The following ADAM23 variants were observed in gnomAD, a reference collection of about 807,000 sequenced individuals.
ADAM23 encodes the protein disintegrin and metalloproteinase domain-containing protein 23.
ADAM23 carries 33 observed loss-of-function variants against 120.1 expected under a neutral mutation model. The observed-to-expected ratio is 0.27, with a 90% CI of 0.21 to 0.37. ADAM23 has a LOEUF of 0.37. Among genes scored for constraint, ADAM23 ranks in the 10% least tolerant of loss-of-function variants. The pLI is 1.00. For missense variants in ADAM23, 862 were observed against 1,058.2 expected, an observed-to-expected ratio of 0.81 and a Z score of 2.57; for synonymous variants, 367 against 375.2, an observed-to-expected ratio of 0.98 and a Z score of 0.25.
At chr2:206,466,553 AT>A (rs763058331) in intron 2 of ADAM23, among the ~76,000 whole-genome samples, 1 of 152,106 alleles carries the variant, frequency 6.6e-6, no homozygotes, top group African/African-American at 2.4e-5. Flanking sequence ...ATTTACTAGG[AT>A]TTTTTTATCC....
chr2:206,513,287 G>A (rs1696663458), intron 3 of ADAM23, among the ~76,000 whole-genome samples: 1 of 152,190 alleles, frequency 6.6e-6, no homozygotes, highest in Non-Finnish European at 1.5e-5. Context: ...CAAAGGAAAA[G>A]TTTCTGAAGG....
intron 2 of ADAM23, among the ~76,000 whole-genome samples, chr2:206,458,622 CA>C (rs1272247034): frequency 1.3e-5 from 2 of 152,172 alleles, no homozygotes. Flanking sequence ...GGATATTAGG[CA>C]TTTTAGTGGG....
intron 3 of ADAM23, among the ~76,000 whole-genome samples, chr2:206,492,444 T>G (rs1696154589): frequency 6.6e-6 from 1 of 151,880 alleles, no homozygotes; most frequent in South Asian, 2.1e-4. Flanking sequence ...CCTTGGAGAG[T>G]TGAGACATTA....
At chr2:206,497,589 G>A (rs966858754) in intron 3 of ADAM23, among the ~76,000 whole-genome samples, 1 of 152,122 alleles carries the variant, frequency 6.6e-6, no homozygotes, top group African/African-American at 2.4e-5. Flanking sequence ...TTGAAAACTG[G>A]CACAAGACAG....
rs748825866 is a variant in ADAM23 at position 206,562,214 on chromosome 2, A to G, written c.1266A>G (p.Pro422=). The change falls in exon 13 of 26, where the codon CCA becomes CCG. Residue 422 remains proline, a synonymous_variant. Coordinates refer to ENST00000264377, the MANE Select transcript of ADAM23 (RefSeq NM_003812.4). The part of the protein sequence containing the change: ...RGVGVNEYGL[P]MAVAQVLSQS... ...ACTCTGAAAAACAGTATGGTCTTCCAATGGCAGTGGCACAAGTATTATCGC... is the reference window on the plus strand; with the variant it reads ...ACTCTGAAAAACAGTATGGTCTTCCGATGGCAGTGGCACAAGTATTATCGC... The G allele has an allele frequency of 6.2e-7, 1 of 1,614,000 alleles. No homozygotes were observed. Among genetic ancestry groups the G allele is most frequent in the South Asian group, 1.1e-5 (1 of 91,074 alleles).
intron 13 of ADAM23, among the ~76,000 whole-genome samples, chr2:206,563,930 C>T (rs1454630974): frequency 1.3e-5 from 2 of 151,974 alleles, no homozygotes; most frequent in East Asian, 1.9e-4. Context: ...TGGGGTTTCA[C>T]TGTGTTAGCC....
chr2:206,610,062 A>T, intron 25 of ADAM23, 62 bp downstream of exon 25: 1 of 1,411,564 alleles, frequency 7.1e-7, no homozygotes, highest in South Asian at 1.5e-5. Context: ...TGCTTACATA[A>T]CCAAGTTTTG....
chr2:206,596,660 A>C (rs1371300934), intron 24 of ADAM23, among the ~76,000 whole-genome samples: 1 of 152,230 alleles, frequency 6.6e-6, no homozygotes, highest in Non-Finnish European at 1.5e-5. Flanking sequence ...AAAATGTGAG[A>C]GATCTGGACC....
At chr2:206,592,854 A>G (rs1698451540) in intron 22 of ADAM23, 118 bp downstream of exon 22, 2 of 1,277,444 alleles carry the variant, frequency 1.6e-6, no homozygotes, top group Admixed American at 5.1e-5. Flanking sequence ...AGGAAAGTTA[A>G]TTTAGATTTT....
chr2:206,454,910 T>C (rs1279494191), intron 2 of ADAM23, among the ~76,000 whole-genome samples: 2 of 152,214 alleles, frequency 1.3e-5, no homozygotes, highest in Non-Finnish European at 2.9e-5. Flanking sequence ...GCTGCTTTCA[T>C]GGGCTGGCAT....
intron 2 of ADAM23, 73 bp from the exon 3 acceptor site, chr2:206,481,159 A>G: frequency 4.2e-6 from 5 of 1,187,504 alleles, no homozygotes; most frequent in Non-Finnish European, 6.0e-6. Context: ...CGTCTTAAAT[A>G]TCATTCTTGA....
rs145936396 is a variant in ADAM23, at chr2:206,449,493, C to T, written c.432+3969C>T. Among the ~76,000 whole-genome samples the T allele has an allele frequency of 2.2e-3, 338 of 152,260 alleles. 4 individuals are homozygous for T. In the East Asian group the frequency reaches 0.037, roughly 16 times the overall value. On this transcript the variant is annotated intron_variant, in intron 2 of 25. Coordinates refer to ENST00000264377, the MANE Select transcript of ADAM23 (RefSeq NM_003812.4). Reference sequence around the variant, plus strand: ...GTCAAAAACTACTTGTCCTGCTGGGCGTGGTGGCTCATGCCTGTAATCCCA... The same window carrying T: ...GTCAAAAACTACTTGTCCTGCTGGGTGTGGTGGCTCATGCCTGTAATCCCA...
In ADAM23 at chr2:206,553,840, G is replaced by A. The variant is rs139492139; in HGVS notation, c.934-3587G>A. ...GGCTTTAGGATAATCATCTCACTGAGAGTACTCATCTTACAATCTTTATAC... is the reference window on the plus strand; with the variant it reads ...GGCTTTAGGATAATCATCTCACTGAAAGTACTCATCTTACAATCTTTATAC... On this transcript the variant is annotated intron_variant, in intron 9 of 25. Transcript: ENST00000264377. 1.4e-4 allele frequency among the ~76,000 whole-genome samples: 22 copies of A among 152,266 alleles called. No individual in the cohort carries two copies. In the East Asian group the frequency reaches 4.2e-3, roughly 29 times the overall value.
At chr2:206,474,939 T>C (rs1574486338) in intron 2 of ADAM23, among the ~76,000 whole-genome samples, 1 of 152,310 alleles carries the variant, frequency 6.6e-6, no homozygotes. Flanking sequence ...TTATTATTTG[T>C]ATTTTATTGA....
intron 2 of ADAM23, among the ~76,000 whole-genome samples, chr2:206,467,171 C>T (rs1695558519): frequency 1.3e-5 from 2 of 152,198 alleles, no homozygotes; most frequent in African/African-American, 2.4e-5. Flanking sequence ...TCCCAAATCT[C>T]GTGTCCTTTT....
In ADAM23 at chr2:206,560,056, C is replaced by G; in HGVS notation, c.1107C>G (p.Leu369=). 1 of 1,614,174 alleles carries G rather than the reference C, an allele frequency of 6.2e-7. No homozygotes were observed. Among genetic ancestry groups the G allele is most frequent in the Non-Finnish European group, 8.5e-7 (1 of 1,180,016 alleles). ...IDITTNPVQM[L]HEFSKYRQRI... ...TCACCACCAACCCTGTGCAGATGCT[C>G]CATGAGTTCTCAAAATACCGGCAGC... is the stretch of plus-strand genomic sequence containing the variant. Residue 369 remains leucine (L), a synonymous_variant, in exon 11 of 26, where the codon CTC becomes CTG. Coordinates refer to ENST00000264377, the MANE Select transcript of ADAM23 (RefSeq NM_003812.4).
intron 3 of ADAM23, among the ~76,000 whole-genome samples, chr2:206,495,550 C>T (rs1049643217): frequency 1.1e-4 from 16 of 152,320 alleles, no homozygotes; most frequent in African/African-American, 3.8e-4. Context: ...AAAAACATGC[C>T]AAATTGTAAA....
chr2:206,597,603 A>C (rs1369250100), intron 24 of ADAM23, among the ~76,000 whole-genome samples: 1 of 152,246 alleles, frequency 6.6e-6, no homozygotes, highest in Non-Finnish European at 1.5e-5. Flanking sequence ...CTACTACAGC[A>C]TCTGTTACAT....
At chr2:206,524,317 A>G (rs1299700840) in intron 3 of ADAM23, among the ~76,000 whole-genome samples, 1 of 152,220 alleles carries the variant, frequency 6.6e-6, no homozygotes, top group African/African-American at 2.4e-5. Context: ...GGCAAGGTGC[A>G]TGGCTAGTCA....
Sources: allele counts gnomAD v4.1 joint callset (sites outside exome capture counted in the v4.1 genomes callset), GRCh38; gene constraint gnomAD v4.1.1; transcripts MANE v1.5; gene names NCBI Gene and HGNC (gene_info 2026-07-23, HGNC 2026-07-21).